SYN3: variants seen among roughly 807,000 people sequenced by gnomAD.
The protein encoded by SYN3 is synapsin-3.
SYN3 carries 35 observed loss-of-function variants against 65.8 expected under a neutral mutation model. That is an observed-to-expected ratio of 0.53 (90% CI 0.41 to 0.70). SYN3 has a LOEUF of 0.70. SYN3 is among the 30% of genes least tolerant of loss of function. SYN3 has a pLI of 0.00. For missense variants in SYN3, 680 were observed against 749.0 expected, an observed-to-expected ratio of 0.91 and a Z score of 1.08; for synonymous variants, 270 against 292.9, an observed-to-expected ratio of 0.92 and a Z score of 0.80.
chr22:32,537,521 A>G (rs1395022826), intron 9 of SYN3, among the ~76,000 whole-genome samples: 1 of 152,198 alleles, frequency 6.6e-6, no homozygotes, highest in African/African-American at 2.4e-5. Flanking sequence ...AAAACCCTTC[A>G]GCCAGAGAGC....
chr22:32,515,994 T>C (rs1192815581), intron 13 of SYN3, among the ~76,000 whole-genome samples: 2 of 152,126 alleles, frequency 1.3e-5, no homozygotes, highest in African/African-American at 2.4e-5. Flanking sequence ...GAGATGGGGT[T>C]TCACTGTGTT....
intron 6 of SYN3, among the ~76,000 whole-genome samples, chr22:32,709,429 A>C (rs1179990579): frequency 1.3e-5 from 2 of 152,254 alleles, no homozygotes; most frequent in African/African-American, 4.8e-5. Context: ...CAAGTGGATC[A>C]GTTGGAACTT....
intron 6 of SYN3, among the ~76,000 whole-genome samples, chr22:32,643,013 C>T (rs2059924890): frequency 6.6e-6 from 1 of 152,166 alleles, no homozygotes; most frequent in Non-Finnish European, 1.5e-5. Flanking sequence ...ACAATTTACA[C>T]TTAAAAAGAT....
intron 6 of SYN3, among the ~76,000 whole-genome samples, chr22:32,686,590 ATTTTTTTTTTTT>A (rs149862418): frequency 2.8e-5 from 2 of 72,338 alleles, no homozygotes; most frequent in Non-Finnish European, 4.8e-5. Flanking sequence ...CTGCTCCTCC[ATTTTTTTTTTTT>A]TTTTTTTTTT....
intron 6 of SYN3, among the ~76,000 whole-genome samples, chr22:32,760,174 C>A (rs1166840708): frequency 1.7e-5 from 2 of 119,644 alleles, no homozygotes; most frequent in Non-Finnish European, 3.5e-5. Context: ...CCAGCCAGCA[C>A]CCACGTACCC....
chr22:32,943,281 G>A (rs2050997134), intron 3 of SYN3, among the ~76,000 whole-genome samples: 1 of 152,184 alleles, frequency 6.6e-6, no homozygotes, highest in Admixed American at 6.5e-5. Context: ...AAGAGAGTGA[G>A]GGCCAATATT....
At chr22:32,695,372 G>T (rs2060721731) in intron 6 of SYN3, among the ~76,000 whole-genome samples, 1 of 151,876 alleles carries the variant, frequency 6.6e-6, no homozygotes. Context: ...GTTAGATCTT[G>T]TCTGCTTGTT....
At chr22:32,987,756 C>T (rs2052570657) in intron 2 of SYN3, among the ~76,000 whole-genome samples, 1 of 152,220 alleles carries the variant, frequency 6.6e-6, no homozygotes, top group South Asian at 2.1e-4. Flanking sequence ...CACTTATTCA[C>T]TCCCTCATTC....
At chr22:32,585,452 T>G (rs1171778486) in intron 7 of SYN3, among the ~76,000 whole-genome samples, 2 of 152,202 alleles carry the variant, frequency 1.3e-5, no homozygotes, top group Non-Finnish European at 2.9e-5. Context: ...CTCTCCCAAG[T>G]GATTGGGTGA....
chr22:32,529,637 AG>A (rs1447543293), intron 10 of SYN3, among the ~76,000 whole-genome samples: 2 of 152,136 alleles, frequency 1.3e-5, no homozygotes, highest in Non-Finnish European at 1.5e-5. Flanking sequence ...AGAGCAACTG[AG>A]GCCCAGAGAT....
At chr22:32,878,564 G>A (rs1231995620) in intron 4 of SYN3, among the ~76,000 whole-genome samples, 1 of 152,146 alleles carries the variant, frequency 6.6e-6, no homozygotes, top group African/African-American at 2.4e-5. Context: ...CTACCCCAGG[G>A]GGCCAAGCAG....
In SYN3 at chr22:33,033,956, G is replaced by A. The variant is rs558467134; in HGVS notation, c.-163+24336C>T. Among the ~76,000 whole-genome samples, 6 of 152,010 alleles carry A rather than the reference G, an allele frequency of 3.9e-5. No homozygotes were observed. The South Asian group carries it at 6.2e-4, about 16-fold the overall frequency. Reference sequence around the variant, plus strand: ...TCCCAGCACTTTGGGAGGCTGAGGCGGGTGGATCACCTGAGGTTGGGAGTT... The same window carrying A: ...TCCCAGCACTTTGGGAGGCTGAGGCAGGTGGATCACCTGAGGTTGGGAGTT... On this transcript the variant is annotated intron_variant, in intron 1 of 13. Transcript: ENST00000358763.
Position 32,513,683 on chromosome 22 carries a change from T to C in SYN3, c.*9A>G, listed in dbSNP as rs770077622. 1 of 1,613,870 alleles carries C rather than the reference T, an allele frequency of 6.2e-7. No homozygotes were observed. Among genetic ancestry groups the C allele is most frequent in the Non-Finnish European group, 8.5e-7 (1 of 1,179,898 alleles). ...GCAGAGCACTCTTCCCCTCCCAGCC[T>C]GGATGGCGTTAGTCAGAGAACAGGC... On this transcript the variant is annotated 3_prime_UTR_variant, in exon 14 of 14. Transcript: ENST00000358763.
chr22:32,908,895 A>T (rs539235745), intron 4 of SYN3, among the ~76,000 whole-genome samples: 69 of 152,304 alleles, frequency 4.5e-4, no homozygotes, highest in Non-Finnish European at 8.5e-4. Context: ...AAAAAACCCT[A>T]AACCTATCAA....
chr22:32,949,503 A>G (rs2051222066), intron 3 of SYN3, among the ~76,000 whole-genome samples: 1 of 152,078 alleles, frequency 6.6e-6, no homozygotes, highest in Non-Finnish European at 1.5e-5. Context: ...CCTGTTTGTA[A>G]TTAAACTCGT....
chr22:32,636,414 AAAAAG>A (rs79798241), intron 6 of SYN3, among the ~76,000 whole-genome samples: 22,652 of 147,500 alleles, frequency 0.15, 1,904 homozygotes, highest in Non-Finnish European at 0.22. Flanking sequence ...AAAAAAAAAA[AAAAAG>A]AAAAGAAAAG....
chr22:33,033,061 G>A (rs555938098), intron 1 of SYN3, among the ~76,000 whole-genome samples: 4 of 151,742 alleles, frequency 2.6e-5, no homozygotes, highest in East Asian at 1.9e-4. Flanking sequence ...TGCTGAGGCC[G>A]GAGAGCAATG....
rs559818603 is a variant in SYN3, at chr22:32,610,049, G to A, written c.712-13313C>T. On this transcript the variant is annotated intron_variant, in intron 6 of 13. Coordinates refer to ENST00000358763, the MANE Select transcript of SYN3 (RefSeq NM_003490.4). ...TGTAATCCCAGCACTTTGGGAGGCC[G>A]AGGCAGGCAGATGACAAGGTCAGGA... Among the ~76,000 whole-genome samples the A allele has an allele frequency of 1.8e-3, 274 of 152,246 alleles. 1 individual carries two copies. Among genetic ancestry groups the A allele is most frequent in the Non-Finnish European group, 2.8e-3 (189 of 68,016 alleles).
At chr22:32,561,872 T>C (rs1184259677) in intron 7 of SYN3, among the ~76,000 whole-genome samples, 1 of 152,224 alleles carries the variant, frequency 6.6e-6, no homozygotes, top group Non-Finnish European at 1.5e-5. Flanking sequence ...ATTCTGGGGT[T>C]AAGTCCTGAG....
Sources: allele counts gnomAD v4.1 joint callset (sites outside exome capture counted in the v4.1 genomes callset), GRCh38; gene constraint gnomAD v4.1.1; transcripts MANE v1.5; gene names NCBI Gene and HGNC (gene_info 2026-07-23, HGNC 2026-07-21).